Variants in AUH observed in about 807,000 individuals in gnomAD.
AUH encodes methylglutaconyl-CoA hydratase, mitochondrial.
A neutral mutation model predicts 42.3 loss-of-function variants in AUH; 29 were observed. That is an observed-to-expected ratio of 0.69 (90% confidence interval 0.51 to 0.93). The LOEUF (loss-of-function observed/expected upper bound fraction) is 0.93, where lower values mean the gene tolerates loss of function less well. Ranked by LOEUF, AUH falls within the 40% of genes least tolerant of loss-of-function variation. The pLI is 0.00. For synonymous variants in AUH, 174 were observed against 166.4 expected (o/e 1.05, Z -0.35); for missense variants, 452 against 438.1 (o/e 1.03, Z -0.28).
intron 9 of AUH, among the ~76,000 whole-genome samples, chr9:91,215,533 T>C (rs535073808): frequency 2.5e-4 from 38 of 152,338 alleles, no homozygotes; most frequent in African/African-American, 9.1e-4. Context: ...CATCTTTTTT[T>C]TTCCTGAATA....
At chr9:91,295,040 C>A (rs752275559) in intron 6 of AUH, among the ~76,000 whole-genome samples, 1 of 152,206 alleles carries the variant, frequency 6.6e-6, no homozygotes, top group Non-Finnish European at 1.5e-5. Context: ...TTCCCCCATA[C>A]TATTCTCGTC....
chr9:91,351,674 T>C (rs1467738361), intron 3 of AUH, among the ~76,000 whole-genome samples: 1 of 152,208 alleles, frequency 6.6e-6, no homozygotes, highest in Admixed American at 6.5e-5. Context: ...GCTTGAGCTC[T>C]GCCTCCTGTC....
chr9:91,346,949 G>A (rs1831558668), intron 3 of AUH, among the ~76,000 whole-genome samples: 2 of 152,090 alleles, frequency 1.3e-5, no homozygotes, highest in Admixed American at 1.3e-4. Flanking sequence ...TGGGAAGAGG[G>A]AGTACAGAGC....
In AUH at chr9:91,233,140, A is replaced by G. The variant is rs577709544; in HGVS notation, c.656-12148T>C. Among the ~76,000 whole-genome samples the G allele has an allele frequency of 3.3e-5, 5 of 152,268 alleles. No homozygotes were observed. In the South Asian group the frequency reaches 6.2e-4, roughly 19 times the overall value. On this transcript the variant is annotated intron_variant, in intron 6 of 9. Coordinates refer to ENST00000375731, the MANE Select transcript of AUH (RefSeq NM_001698.3). ...TGTCATGGGAAGCCTCGCAATAAAGAAAGAAATACACACAGAGAGTAAGAA... is the reference window on the plus strand; with the variant it reads ...TGTCATGGGAAGCCTCGCAATAAAGGAAGAAATACACACAGAGAGTAAGAA...
chr9:91,296,574 C>T (rs901801925), intron 5 of AUH, among the ~76,000 whole-genome samples: 1 of 152,158 alleles, frequency 6.6e-6, no homozygotes, highest in Non-Finnish European at 1.5e-5. Context: ...GACAGGGTTC[C>T]TCTTTTCATG....
intron 6 of AUH, among the ~76,000 whole-genome samples, chr9:91,233,076 A>G (rs1827978573): frequency 6.6e-6 from 1 of 152,232 alleles, no homozygotes. Flanking sequence ...GGATACATCC[A>G]TGAACAAAAC....
intron 3 of AUH, among the ~76,000 whole-genome samples, chr9:91,333,606 T>C (rs1830490645): frequency 6.6e-6 from 1 of 152,246 alleles, no homozygotes; most frequent in Non-Finnish European, 1.5e-5. Context: ...ATGAGTATTA[T>C]TTACTGCTAG....
chr9:91,246,476 C>T (rs1023077310), intron 6 of AUH, among the ~76,000 whole-genome samples: 4 of 152,140 alleles, frequency 2.6e-5, no homozygotes, highest in Non-Finnish European at 5.9e-5. Context: ...CCCAGAAGTG[C>T]TTACTATGAA....
chr9:91,220,775 G>GA (rs1564005731), intron 7 of AUH, 30 bp downstream of exon 7: 1 of 1,611,566 alleles, frequency 6.2e-7, no homozygotes, highest in African/African-American at 1.3e-5. Flanking sequence ...CCTAAAATGA[G>GA]AAAAAATAAA....
chr9:91,230,888 A>G (rs574018837), intron 6 of AUH, among the ~76,000 whole-genome samples: 8 of 152,312 alleles, frequency 5.3e-5, no homozygotes, highest in African/African-American at 1.9e-4. Flanking sequence ...TCACGGACCC[A>G]CTTGAGGAGG....
chr9:91,285,155 T>A (rs1826297810), intron 6 of AUH, among the ~76,000 whole-genome samples: 3 of 152,162 alleles, frequency 2.0e-5, no homozygotes, highest in Admixed American at 2.0e-4. Flanking sequence ...TTCATGTCCT[T>A]TGTAGGGACA....
chr9:91,344,506 T>C (rs1187063139), intron 3 of AUH, among the ~76,000 whole-genome samples: 2 of 152,222 alleles, frequency 1.3e-5, no homozygotes, highest in African/African-American at 2.4e-5. Flanking sequence ...AATAAATCTC[T>C]TCGAATATGT....
Position 91,361,672 on chromosome 9 carries a change from G to T in AUH, c.218C>A (p.Thr73Lys). ...GTGCCGCACCCGCAGCTCGTCCTCC[G>T]TCTTCATCTCAGAGCTGTAGCCCCT... ...PKRGYSSEMK[T>K]EDELRVRHLE... Residue 73 changes from threonine (T) to lysine (K), a missense_variant, in exon 1 of 10, where the codon ACG becomes AAG. Transcript: ENST00000375731. 6.3e-7 allele frequency: 1 copy of T among 1,579,812 alleles called. No individual in the cohort carries two copies. The highest frequency in any genetic ancestry group is 8.6e-7 in the Non-Finnish European group (1 of 1,162,952).
intron 6 of AUH, among the ~76,000 whole-genome samples, chr9:91,288,977 G>GAAAAC (rs556325705): frequency 1.3e-5 from 2 of 151,992 alleles, no homozygotes; most frequent in Non-Finnish European, 2.9e-5. Flanking sequence ...CTCAGGTAAA[G>GAAAAC]AAAACAAAAC....
chr9:91,301,852 C>G (rs1175431453), intron 4 of AUH, among the ~76,000 whole-genome samples: 1 of 152,076 alleles, frequency 6.6e-6, no homozygotes, highest in African/African-American at 2.4e-5. Flanking sequence ...GATACTAATT[C>G]TCATATTATT....
At chr9:91,285,079 G>T (rs1399017530) in intron 6 of AUH, among the ~76,000 whole-genome samples, 3 of 152,186 alleles carry the variant, frequency 2.0e-5, no homozygotes, top group African/African-American at 4.8e-5. Flanking sequence ...ATCAATGATA[G>T]ACTGGATTAA....
chr9:91,264,611 T>A (rs1478698432), intron 6 of AUH, among the ~76,000 whole-genome samples: 1 of 152,172 alleles, frequency 6.6e-6, no homozygotes, highest in Admixed American at 6.5e-5. Context: ...TACTCAACTA[T>A]CTTTCTGATA....
Position 91,356,074 on chromosome 9 carries a change from A to C in AUH, c.330+14T>G. ...CTTAATATTAGAAGCAAACAGTTTA[A>C]TCTTTACACTCACCATTTTTATAAG... On this transcript the variant is annotated intron_variant, in intron 2 of 9. Transcript: ENST00000375731. 1 of 1,610,510 alleles carries C rather than the reference A, an allele frequency of 6.2e-7. No homozygotes were observed. Among genetic ancestry groups the C allele is most frequent in the Non-Finnish European group, 8.5e-7 (1 of 1,177,058 alleles).
chr9:91,306,932 G>A (rs548086098), intron 4 of AUH, among the ~76,000 whole-genome samples: 1 of 152,122 alleles, frequency 6.6e-6, no homozygotes, highest in East Asian at 1.9e-4. Flanking sequence ...TCTGGGCAAT[G>A]GAATACTACT....
Sources: allele counts gnomAD v4.1 joint callset (sites outside exome capture counted in the v4.1 genomes callset), GRCh38; gene constraint gnomAD v4.1.1; transcripts MANE v1.5; gene names NCBI Gene and HGNC (gene_info 2026-07-23, HGNC 2026-07-21).